The following SUGCT variants were observed in gnomAD, a reference collection of about 807,000 sequenced individuals.
The protein encoded by SUGCT is succinyl-CoA:glutarate CoA-transferase.
Under a neutral mutation model 55.0 loss-of-function variants are expected in SUGCT, and 41 were observed. That is an observed-to-expected ratio of 0.74 (90% CI 0.58 to 0.97). The LOEUF is 0.97. Ranked by LOEUF, SUGCT falls within the 50% of genes least tolerant of loss-of-function variation. The probability of loss-of-function intolerance (pLI) is 0.00; values close to 1 mark genes in which losing one functional copy is unlikely to be tolerated. For synonymous variants in SUGCT, 187 were observed against 200.4 expected (o/e 0.93, Z 0.56); for missense variants, 568 against 547.8 (o/e 1.04, Z -0.37).
intron 13 of SUGCT, among the ~76,000 whole-genome samples, chr7:40,780,755 TTTTC>T (rs1226360183): frequency 6.6e-6 from 1 of 150,712 alleles, no homozygotes; most frequent in Non-Finnish European, 1.5e-5. Flanking sequence ...TTTTTTTTCT[TTTTC>T]TTTCTTCTTC....
chr7:40,505,868 T>C (rs1417273935), intron 12 of SUGCT, among the ~76,000 whole-genome samples: 1 of 152,110 alleles, frequency 6.6e-6, no homozygotes, highest in African/African-American at 2.4e-5. Context: ...ATTTGAGTTA[T>C]TAAATGGTAT....
chr7:40,551,250 T>C (rs557892901), intron 12 of SUGCT, among the ~76,000 whole-genome samples: 26 of 152,238 alleles, frequency 1.7e-4, no homozygotes, highest in Non-Finnish European at 3.7e-4. Context: ...GGCCTTTGCA[T>C]TGAAAAGTTG....
intron 12 of SUGCT, among the ~76,000 whole-genome samples, chr7:40,557,650 G>GT (rs1452972663): frequency 6.6e-6 from 1 of 151,904 alleles, no homozygotes; most frequent in Non-Finnish European, 1.5e-5. Flanking sequence ...GCATGTGCCT[G>GT]TAGTCCCAGC....
At chr7:40,369,488 A>G (rs1375849414) in intron 9 of SUGCT, among the ~76,000 whole-genome samples, 1 of 152,162 alleles carries the variant, frequency 6.6e-6, no homozygotes, top group Non-Finnish European at 1.5e-5. Flanking sequence ...AGCTTGATGT[A>G]TAACGCTTAA....
chr7:40,169,997 CTCTT>C (rs1316915579), intron 1 of SUGCT, among the ~76,000 whole-genome samples: 1 of 152,104 alleles, frequency 6.6e-6, no homozygotes, highest in Non-Finnish European at 1.5e-5. Context: ...AAGGCAGTCT[CTCTT>C]CTTTTCCTTG....
the SUGCT span, among the ~76,000 whole-genome samples, chr7:40,940,275 A>G: frequency 6.6e-6 from 1 of 152,022 alleles, no homozygotes; most frequent in Non-Finnish European, 1.5e-5. Flanking sequence ...TTTGGTTACC[A>G]TAGCCTTTTG....
intron 12 of SUGCT, among the ~76,000 whole-genome samples, chr7:40,730,193 C>T (rs369306385): frequency 3.2e-4 from 49 of 152,206 alleles, no homozygotes; most frequent in African/African-American, 9.6e-4. Flanking sequence ...TTGCAAGCTC[C>T]GCCTCTCAGG....
intron 12 of SUGCT, among the ~76,000 whole-genome samples, chr7:40,672,961 T>C (rs1206405816): frequency 2.0e-5 from 3 of 152,174 alleles, no homozygotes; most frequent in Non-Finnish European, 4.4e-5. Context: ...TGCCCTTTTG[T>C]AGGCGATCTT....
chr7:40,268,186 C>G (rs963333703), intron 7 of SUGCT, among the ~76,000 whole-genome samples: 2 of 152,126 alleles, frequency 1.3e-5, no homozygotes, highest in African/African-American at 4.8e-5. Context: ...GTTTTGCAAC[C>G]TTACAACAGT....
chr7:40,838,818 C>T (rs991077305), intron 13 of SUGCT, among the ~76,000 whole-genome samples: 8 of 152,144 alleles, frequency 5.3e-5, no homozygotes, highest in Middle Eastern at 6.8e-3. Flanking sequence ...ACATCCTTGC[C>T]TTGTTTCTAA....
intron 9 of SUGCT, among the ~76,000 whole-genome samples, chr7:40,438,810 T>TA (rs1371974342): frequency 6.6e-6 from 1 of 151,476 alleles, no homozygotes; most frequent in African/African-American, 2.4e-5. Flanking sequence ...TGCTTTCTGT[T>TA]AGAGTGAGGC....
chr7:40,585,806 A>G (rs1797345667), intron 12 of SUGCT, among the ~76,000 whole-genome samples: 1 of 151,946 alleles, frequency 6.6e-6, no homozygotes, highest in African/African-American at 2.4e-5. Flanking sequence ...CAGCCTCTCA[A>G]GTACCTGGGA....
At chr7:40,913,201 G>A in the SUGCT span, among the ~76,000 whole-genome samples, 2 of 151,824 alleles carry the variant, frequency 1.3e-5, no homozygotes, top group Non-Finnish European at 1.5e-5. Flanking sequence ...TAGTAGAGAC[G>A]GGGTTTCACC....
intron 6 of SUGCT, among the ~76,000 whole-genome samples, chr7:40,211,939 CAG>C (rs754734970): frequency 1.3e-5 from 2 of 152,136 alleles, no homozygotes; most frequent in Non-Finnish European, 2.9e-5. Context: ...TAAGTATCCT[CAG>C]GGCCTAGATT....
rs114395565 is a variant in SUGCT at position 40,248,544 on chromosome 7, T to A, written c.576+10818T>A. On this transcript the variant is annotated intron_variant, in intron 7 of 13. Transcript: ENST00000335693. ...GGAACATCCTAGCACCTATGTAATT[T>A]TCTACATGCGCAATTATTATTGTTA... is the stretch of plus-strand genomic sequence containing the variant. 4.2e-3 allele frequency among the ~76,000 whole-genome samples: 633 copies of A among 152,154 alleles called. 6 individuals carry two copies. The highest frequency in any genetic ancestry group is 0.015 in the African/African-American group (610 of 41,512).
the SUGCT span, among the ~76,000 whole-genome samples, chr7:40,882,344 C>A: frequency 6.6e-6 from 1 of 152,146 alleles, no homozygotes; most frequent in East Asian, 1.9e-4. Flanking sequence ...TGTCTATCAT[C>A]CACTGGTTGG....
chr7:40,360,082 C>T (rs969079447), intron 9 of SUGCT, among the ~76,000 whole-genome samples: 26 of 152,140 alleles, frequency 1.7e-4, no homozygotes, highest in African/African-American at 6.0e-4. Context: ...GGCACGATCT[C>T]GGCTCACTGC....
intron 11 of SUGCT, among the ~76,000 whole-genome samples, chr7:40,459,580 T>C (rs1789682584): frequency 6.6e-6 from 1 of 152,212 alleles, no homozygotes; most frequent in Non-Finnish European, 1.5e-5. Context: ...AGATACATTG[T>C]CTCGTTTAAT....
At position 40,449,332 on chromosome 7, in the gene SUGCT, A is replaced by T. The variant is rs773522089; in HGVS notation, c.862A>T (p.Asn288Tyr). ...CTATATTGTAGTTGGAGCAGGAAAT[A>T]ACCAGCAGTTTGCCACCGTCTGCAA... ...DGYIVVGAGN[N>Y]QQFATVCKIL... The change falls in exon 10 of 14, where the codon AAC (asparagine) becomes TAC (tyrosine). Residue 288 changes from asparagine to tyrosine, a missense_variant. Asn to Tyr is a moderately radical substitution (Grantham distance 143). Transcript: ENST00000335693. 5.0e-6 allele frequency: 8 copies of T among 1,612,668 alleles called. No homozygotes were observed. Among genetic ancestry groups the T allele is most frequent in the Non-Finnish European group, 5.9e-6 (7 of 1,179,108 alleles).
Sources: allele counts gnomAD v4.1 joint callset (sites outside exome capture counted in the v4.1 genomes callset), GRCh38; gene constraint gnomAD v4.1.1; transcripts MANE v1.5; gene names NCBI Gene and HGNC (gene_info 2026-07-23, HGNC 2026-07-21).